SPTLC1: variants seen among roughly 807,000 people sequenced by gnomAD.
The protein encoded by SPTLC1 is serine palmitoyltransferase 1.
SPTLC1 carries 55 observed loss-of-function variants against 68.9 expected under a neutral mutation model. The ratio of observed to expected loss-of-function variants is 0.80; its 90% confidence interval spans 0.64 to 1.00. SPTLC1 has a LOEUF of 1.00. Among genes scored for constraint, SPTLC1 ranks in the 50% least tolerant of loss-of-function variants. SPTLC1 has a pLI of 0.00. For missense variants in SPTLC1, 449 were observed against 573.1 expected (o/e 0.78, Z 2.21); for synonymous variants, 197 against 201.6 (o/e 0.98, Z 0.19).
intron 6 of SPTLC1, among the ~76,000 whole-genome samples, chr9:92,064,172 C>CA (rs1273993971): frequency 1.3e-5 from 2 of 152,148 alleles, no homozygotes; most frequent in African/African-American, 4.8e-5. Flanking sequence ...GCTCAGCACA[C>CA]AAAAAATCCA....
chr9:92,043,819 G>A (rs1359476373), intron 12 of SPTLC1, among the ~76,000 whole-genome samples: 1 of 152,120 alleles, frequency 6.6e-6, no homozygotes, highest in African/African-American at 2.4e-5. Context: ...GTATCAGATA[G>A]GCTGTTTCAC....
chr9:92,072,059 G>C (rs10118847), intron 5 of SPTLC1, among the ~76,000 whole-genome samples: 1 of 152,058 alleles, frequency 6.6e-6, no homozygotes, highest in Non-Finnish European at 1.5e-5. Context: ...ACTTGCACGC[G>C]AGTGAATAAA....
intron 1 of SPTLC1, among the ~76,000 whole-genome samples, chr9:92,114,102 C>CG (rs1306841608): frequency 6.6e-6 from 1 of 151,418 alleles, no homozygotes; most frequent in African/African-American, 2.4e-5. Context: ...AGCAAGCCCC[C>CG]GTCTCTATTA....
At chr9:92,034,484 G>A (rs1054226188) in intron 14 of SPTLC1, among the ~76,000 whole-genome samples, 1 of 152,154 alleles carries the variant, frequency 6.6e-6, no homozygotes, top group Non-Finnish European at 1.5e-5. Context: ...GGTCCTTGTG[G>A]CAGGAACTCC....
intron 8 of SPTLC1, among the ~76,000 whole-genome samples, chr9:92,054,772 G>A (rs1833823832): frequency 6.6e-6 from 1 of 152,114 alleles, no homozygotes; most frequent in African/African-American, 2.4e-5. Context: ...AATTAGCTGG[G>A]GGTGTCTGCG....
In SPTLC1 at chr9:92,031,863, T is replaced by C. The variant is rs1832973971; in HGVS notation, c.*602A>G. The C allele has an allele frequency of 6.2e-6, 1 of 160,618 alleles. No individual in the cohort carries two copies. Among genetic ancestry groups the C allele is most frequent in the Non-Finnish European group, 1.4e-5 (1 of 73,454 alleles). The allele number at this position is 160,618 out of a possible 1,614,324, so 9.9% of individuals were successfully genotyped here. On this transcript the variant is annotated 3_prime_UTR_variant, in exon 15 of 15. Coordinates refer to ENST00000262554, the MANE Select transcript of SPTLC1 (RefSeq NM_006415.4). ...GATTAGAAATGGTGTGACATCAATA[T>C]TTAGTGTGTACAAAAGTTCTAAGAT...
At chr9:92,079,455 G>C in intron 5 of SPTLC1, 1 of 1,605,980 alleles carries the variant, frequency 6.2e-7, no homozygotes, top group Non-Finnish European at 8.5e-7. Context: ...GGTCTTCTTT[G>C]ATGACTCCCA....
chr9:92,048,366 C>T (rs1174129070), intron 9 of SPTLC1, among the ~76,000 whole-genome samples: 1 of 152,210 alleles, frequency 6.6e-6, no homozygotes, highest in Admixed American at 6.5e-5. Context: ...TCATTACTTA[C>T]TGATGGCCAT....
At chr9:92,051,548 T>C (rs1833704539) in intron 8 of SPTLC1, among the ~76,000 whole-genome samples, 1 of 152,210 alleles carries the variant, frequency 6.6e-6, no homozygotes, top group South Asian at 2.1e-4. Context: ...AAGCTTTCCT[T>C]ATAAGATCAG....
chr9:92,101,585 GAAA>G (rs1437302915), intron 3 of SPTLC1, among the ~76,000 whole-genome samples: 2 of 107,618 alleles, frequency 1.9e-5, no homozygotes, highest in South Asian at 2.8e-4. Context: ...AAAAAAAAGA[GAAA>G]AGAAAAAAGA....
At chr9:92,103,522 A>G (rs1835835994) in intron 3 of SPTLC1, among the ~76,000 whole-genome samples, 1 of 152,250 alleles carries the variant, frequency 6.6e-6, no homozygotes, top group South Asian at 2.1e-4. Flanking sequence ...TGGCTGGGCC[A>G]TGACCACCTG....
chr9:92,068,025 T>A lies in SPTLC1; in HGVS notation c.501A>T (p.Gly167=). The change falls in exon 6 of 15, where the codon GGA becomes GGT. Residue 167 remains glycine (G), a synonymous_variant. Transcript: ENST00000262554. The part of the protein sequence containing the change: ...KTEEAIIYSY[G]FATIASAIPA... Reference sequence around the variant, plus strand: ...GAATAGCACTGGCTATGGTGGCAAATCCATATGAGTATATAATGGCTTCTT... The same window carrying A: ...GAATAGCACTGGCTATGGTGGCAAAACCATATGAGTATATAATGGCTTCTT... 1 of 1,614,104 alleles carries A rather than the reference T, an allele frequency of 6.2e-7. No homozygotes were observed. Among genetic ancestry groups the A allele is most frequent in the South Asian group, 1.1e-5 (1 of 91,086 alleles).
At chr9:92,109,001 G>A (rs190233941) in intron 2 of SPTLC1, 167 bp from the exon 3 acceptor site, 49 of 1,057,960 alleles carry the variant, frequency 4.6e-5, no homozygotes, top group African/African-American at 1.6e-4. Context: ...GTCTTTGTTC[G>A]CATAATACAT....
chr9:92,080,609 G>A (rs1411086129), intron 4 of SPTLC1, among the ~76,000 whole-genome samples: 1 of 152,114 alleles, frequency 6.6e-6, no homozygotes, highest in South Asian at 2.1e-4. Context: ...CACCATCTTG[G>A]CTCACTGCAA....
chr9:92,112,403 T>C (rs1351254226), intron 2 of SPTLC1, 52 bp downstream of exon 2: 32 of 1,270,970 alleles, frequency 2.5e-5, no homozygotes, highest in Middle Eastern at 2.6e-4. Flanking sequence ...TGGAAAGACA[T>C]AGCAACTATA....
rs1012817421 is a variant in SPTLC1 at position 92,051,854 on chromosome 9, T to A, written c.781-1787A>T. On this transcript the variant is annotated intron_variant, in intron 8 of 14. Transcript: ENST00000262554. Reference sequence around the variant, plus strand: ...AGGAAATTAAGGAAACAATTCCATTTATAGTAGAATAAAAAAATCAAATAC... The same window carrying A: ...AGGAAATTAAGGAAACAATTCCATTAATAGTAGAATAAAAAAATCAAATAC... Among the ~76,000 whole-genome samples the A allele has an allele frequency of 2.0e-5, 3 of 152,218 alleles. No individual in the cohort carries two copies. The East Asian group carries it at 5.8e-4, about 29-fold the overall frequency.
chr9:92,114,693 C>T (rs1836375108), intron 1 of SPTLC1, among the ~76,000 whole-genome samples: 1 of 151,850 alleles, frequency 6.6e-6, no homozygotes, highest in Non-Finnish European at 1.5e-5. Context: ...CGAGATCACG[C>T]CCTTGCACTC....
At chr9:92,045,536 A>AAC (rs1389809952) in intron 12 of SPTLC1, among the ~76,000 whole-genome samples, 1 of 143,158 alleles carries the variant, frequency 7.0e-6, no homozygotes, top group African/African-American at 2.8e-5. Context: ...AAAAAAAAAA[A>AAC]AAAAAAAAAA....
chr9:92,082,369 T>A (rs1834917660), intron 3 of SPTLC1, among the ~76,000 whole-genome samples: 1 of 150,422 alleles, frequency 6.6e-6, no homozygotes, highest in South Asian at 2.1e-4. Context: ...TAGGTATATC[T>A]CCTAATGCTA....
Sources: allele counts gnomAD v4.1 joint callset (sites outside exome capture counted in the v4.1 genomes callset), GRCh38; gene constraint gnomAD v4.1.1; transcripts MANE v1.5; gene names NCBI Gene and HGNC (gene_info 2026-07-23, HGNC 2026-07-21).